The following ADGRB3 variants were observed in gnomAD, a reference collection of about 807,000 sequenced individuals.
ADGRB3 encodes the protein brain-specific angiogenesis inhibitor 3.
A neutral mutation model predicts 193.4 loss-of-function variants in ADGRB3; 37 were observed. That is an observed-to-expected ratio of 0.19 (90% confidence interval 0.15 to 0.25). The LOEUF (loss-of-function observed/expected upper bound fraction) is 0.25, where lower values mean the gene tolerates loss of function less well. ADGRB3 is among the 10% of genes least tolerant of loss of function. The pLI is 1.00. For missense variants in ADGRB3, 1,637 were observed against 1,852.9 expected (o/e 0.88, Z 2.14); for synonymous variants, 690 against 644.2 (o/e 1.07, Z -1.08).
intron 20 of ADGRB3, among the ~76,000 whole-genome samples, chr6:69,267,574 C>T (rs759276746): frequency 6.6e-6 from 1 of 152,104 alleles, no homozygotes; most frequent in Non-Finnish European, 1.5e-5. Flanking sequence ...CCCAGTTTGT[C>T]TAACAGTTTT....
chr6:69,109,613 C>T (rs1309572272), intron 17 of ADGRB3, among the ~76,000 whole-genome samples: 1 of 152,100 alleles, frequency 6.6e-6, no homozygotes, highest in Non-Finnish European at 1.5e-5. Context: ...AGGTACTTGT[C>T]CAGCTTTACA....
intron 3 of ADGRB3, among the ~76,000 whole-genome samples, chr6:68,781,325 AC>A (rs1766848231): frequency 6.6e-6 from 1 of 152,138 alleles, no homozygotes; most frequent in African/African-American, 2.4e-5. Flanking sequence ...TCATTGGAAG[AC>A]CTTGTTATCT....
intron 3 of ADGRB3, among the ~76,000 whole-genome samples, chr6:68,858,396 C>G (rs1046844870): frequency 2.0e-5 from 3 of 150,710 alleles, no homozygotes; most frequent in Non-Finnish European, 4.4e-5. Flanking sequence ...CCCAGCTACT[C>G]GAGAGGCTAA....
At chr6:68,804,417 A>G (rs1010269227) in intron 3 of ADGRB3, among the ~76,000 whole-genome samples, 1 of 152,194 alleles carries the variant, frequency 6.6e-6, no homozygotes, top group Non-Finnish European at 1.5e-5. Flanking sequence ...TATGTGTCCT[A>G]TAAGTTTTCA....
At chr6:68,978,021 A>C (rs1353486099) in intron 10 of ADGRB3, among the ~76,000 whole-genome samples, 1 of 151,554 alleles carries the variant, frequency 6.6e-6, no homozygotes. Context: ...GAAAAGTCAT[A>C]TGATCACACT....
At chr6:69,159,391 T>C (rs1774928301) in intron 17 of ADGRB3, among the ~76,000 whole-genome samples, 1 of 152,084 alleles carries the variant, frequency 6.6e-6, no homozygotes, top group African/African-American at 2.4e-5. Flanking sequence ...ACCTCAAGTA[T>C]TAGTAGAATT....
chr6:69,120,157 G>A (rs1202124687), intron 17 of ADGRB3, among the ~76,000 whole-genome samples: 2 of 152,226 alleles, frequency 1.3e-5, no homozygotes, highest in Non-Finnish European at 2.9e-5. Flanking sequence ...AAATGGATCA[G>A]GTTTGTGGGG....
chr6:68,749,140 C>A (rs1766142933), intron 3 of ADGRB3, among the ~76,000 whole-genome samples: 1 of 152,176 alleles, frequency 6.6e-6, no homozygotes, highest in Non-Finnish European at 1.5e-5. Flanking sequence ...CCATGAAGGT[C>A]TCTGACATGG....
At chr6:69,003,306 A>G (rs545625573) in intron 11 of ADGRB3, among the ~76,000 whole-genome samples, 3 of 152,290 alleles carry the variant, frequency 2.0e-5, no homozygotes, top group African/African-American at 7.2e-5. Context: ...TCATGGAACC[A>G]CCTAAGGGAG....
At chr6:68,755,791 G>A (rs1380566974) in intron 3 of ADGRB3, among the ~76,000 whole-genome samples, 1 of 152,096 alleles carries the variant, frequency 6.6e-6, no homozygotes, top group African/African-American at 2.4e-5. Flanking sequence ...AAACACACGG[G>A]AAATATTTTC....
At position 68,993,955 on chromosome 6, in the gene ADGRB3, G is replaced by T; in HGVS notation, c.1922G>T (p.Gly641Val). The stretch of plus-strand genomic sequence containing the variant: ...GCAAGTTACATCCCTGCATCTGATG[G>T]TGTCCAGGTAAGGGAGACAAGTTCG... ...KRASYIPASD[G>V]VQNFFQIVSN... Residue 641 changes from glycine to valine, a missense_variant, in exon 11 of 32, where the codon GGT becomes GTT. Gly to Val is a moderately radical substitution (Grantham distance 109). Transcript: ENST00000370598. 6.2e-7 allele frequency: 1 copy of T among 1,613,414 alleles called. No individual in the cohort carries two copies. The highest frequency in any genetic ancestry group is 8.5e-7 in the Non-Finnish European group (1 of 1,179,520).
At chr6:68,806,919 G>A (rs1273308924) in intron 3 of ADGRB3, among the ~76,000 whole-genome samples, 2 of 151,904 alleles carry the variant, frequency 1.3e-5, no homozygotes, top group Non-Finnish European at 2.9e-5. Flanking sequence ...CAGAAACCTC[G>A]GATAAATTCT....
chr6:68,754,511 G>T (rs1203621667), intron 3 of ADGRB3, among the ~76,000 whole-genome samples: 1 of 152,106 alleles, frequency 6.6e-6, no homozygotes, highest in Non-Finnish European at 1.5e-5. Flanking sequence ...AACACACATT[G>T]TATATTATTT....
At chr6:69,202,325 A>C (rs1765442114) in intron 17 of ADGRB3, among the ~76,000 whole-genome samples, 1 of 152,260 alleles carries the variant, frequency 6.6e-6, no homozygotes, top group African/African-American at 2.4e-5. Context: ...TAAAACCTCT[A>C]TACTTTTCTA....
chr6:68,893,794 T>C lies in ADGRB3; in HGVS notation c.758-36765T>C, dbSNP rs138159929. 2.2e-3 allele frequency among the ~76,000 whole-genome samples: 339 copies of C among 152,042 alleles called. 1 individual carries two copies. Among genetic ancestry groups the C allele is most frequent in the African/African-American group, 7.9e-3 (328 of 41,578 alleles). ...TGCCAATATATAGTTTTTGTAAATATTAAGGCCCTGGAAAATAACATTGGA... is the reference window on the plus strand; with the variant it reads ...TGCCAATATATAGTTTTTGTAAATACTAAGGCCCTGGAAAATAACATTGGA... On this transcript the variant is annotated intron_variant, in intron 3 of 31. Transcript: ENST00000370598.
intron 3 of ADGRB3, among the ~76,000 whole-genome samples, chr6:68,660,686 C>T (rs1227438641): frequency 6.6e-6 from 1 of 151,078 alleles, no homozygotes; most frequent in East Asian, 1.9e-4. Context: ...TTTAAAATGT[C>T]TCATCTCTAG....
chr6:69,357,962 T>C (rs923715463), intron 28 of ADGRB3, among the ~76,000 whole-genome samples: 1 of 151,974 alleles, frequency 6.6e-6, no homozygotes, highest in African/African-American at 2.4e-5. Flanking sequence ...AATTTCCACA[T>C]CTATGTTCCA....
intron 3 of ADGRB3, among the ~76,000 whole-genome samples, chr6:68,859,441 G>A (rs957427565): frequency 1.3e-5 from 2 of 152,150 alleles, no homozygotes; most frequent in Admixed American, 6.5e-5. Flanking sequence ...CCAATTTACT[G>A]TATTCGTCTG....
intron 20 of ADGRB3, among the ~76,000 whole-genome samples, chr6:69,294,144 T>C (rs1316904842): frequency 6.6e-6 from 1 of 152,022 alleles, no homozygotes; most frequent in Non-Finnish European, 1.5e-5. Flanking sequence ...GGTTTCTGTT[T>C]TCTTGACTGT....
Sources: gnomAD v4.1 joint callset for allele counts (sites outside exome capture counted in the v4.1 genomes callset) on GRCh38, gnomAD v4.1.1 for gene constraint, MANE v1.5 for transcripts, NCBI Gene and HGNC (gene_info 2026-07-23, HGNC 2026-07-21) for gene names.